CSMD1: variants seen among roughly 807,000 people sequenced by gnomAD.
CSMD1 encodes CUB and sushi domain-containing protein 1.
CSMD1 carries 213 observed loss-of-function variants against 417.5 expected under a neutral mutation model. That is an observed-to-expected ratio of 0.51 (90% CI 0.46 to 0.57). The LOEUF (loss-of-function observed/expected upper bound fraction) is 0.57, where lower values mean the gene tolerates loss of function less well. Ranked by LOEUF, CSMD1 falls within the 20% of genes least tolerant of loss-of-function variation. The pLI is 0.00. For synonymous variants in CSMD1, 2,862 were observed against 1,736.8 expected, an observed-to-expected ratio of 1.65 and a Z score of -16.11; for missense variants, 6,923 against 4,529.7, an observed-to-expected ratio of 1.53 and a Z score of -15.17.
chr8:4,925,215 G>T (rs1321358592), intron 1 of CSMD1, among the ~76,000 whole-genome samples: 14 of 72,742 alleles, frequency 1.9e-4, no homozygotes, highest in Admixed American at 2.5e-4. Flanking sequence ...CAGTTTTATG[G>T]TTTTTTTTTT....
At chr8:4,594,718 T>G (rs562734176) in intron 2 of CSMD1, among the ~76,000 whole-genome samples, 2 of 152,182 alleles carry the variant, frequency 1.3e-5, no homozygotes, top group Admixed American at 6.5e-5. Context: ...CATTTAACAT[T>G]TGAAATTGTT....
At chr8:4,657,080 A>C (rs951864067) in intron 1 of CSMD1, among the ~76,000 whole-genome samples, 1 of 152,198 alleles carries the variant, frequency 6.6e-6, no homozygotes, top group Non-Finnish European at 1.5e-5. Flanking sequence ...AAAGCTGCAC[A>C]GAAAAGCTAG....
chr8:4,944,855 G>A (rs1808263752), intron 1 of CSMD1, among the ~76,000 whole-genome samples: 1 of 152,096 alleles, frequency 6.6e-6, no homozygotes, highest in South Asian at 2.1e-4. Context: ...TGATTCTTCT[G>A]AAAATTAAAA....
At chr8:4,453,967 G>A (rs537089525) in intron 2 of CSMD1, among the ~76,000 whole-genome samples, 1 of 151,250 alleles carries the variant, frequency 6.6e-6, no homozygotes, top group African/African-American at 2.4e-5. Flanking sequence ...GACTACAGGC[G>A]CCCGCCACCG....
intron 1 of CSMD1, among the ~76,000 whole-genome samples, chr8:4,937,812 A>G (rs955687988): frequency 6.6e-6 from 1 of 152,132 alleles, no homozygotes; most frequent in African/African-American, 2.4e-5. Context: ...ACACAACTAC[A>G]AAGTGTCAGA....
chr8:3,840,737 G>T (rs11993640), intron 5 of CSMD1, among the ~76,000 whole-genome samples: 16,526 of 144,272 alleles, frequency 0.11, 1,256 homozygotes, highest in African/African-American at 0.22. Context: ...GCTCTGTCGT[G>T]TAGGCTGGAG....
chr8:4,613,262 G>A (rs1323761656), intron 2 of CSMD1, among the ~76,000 whole-genome samples: 1 of 152,216 alleles, frequency 6.6e-6, no homozygotes, highest in African/African-American at 2.4e-5. Context: ...ATGACAGAGT[G>A]ATGAGCCAAG....
chr8:2,949,637 T>C (rs528299886), intron 67 of CSMD1, among the ~76,000 whole-genome samples: 5 of 151,698 alleles, frequency 3.3e-5, no homozygotes, highest in African/African-American at 1.2e-4. Flanking sequence ...TGATAGCAAA[T>C]TTTACAATAT....
At chr8:4,674,785 T>TC (rs1327431536) in intron 1 of CSMD1, among the ~76,000 whole-genome samples, 1 of 152,124 alleles carries the variant, frequency 6.6e-6, no homozygotes, top group Admixed American at 6.6e-5. Context: ...TTGAATCGTG[T>TC]CCCCCTCCAA....
chr8:4,716,225 G>C (rs959150116), intron 1 of CSMD1, among the ~76,000 whole-genome samples: 1 of 152,134 alleles, frequency 6.6e-6, no homozygotes, highest in Non-Finnish European at 1.5e-5. Flanking sequence ...AGAACAGAAG[G>C]CTGTCTGCCA....
At chr8:3,026,062 T>C (rs969983218) in intron 51 of CSMD1, among the ~76,000 whole-genome samples, 2 of 151,954 alleles carry the variant, frequency 1.3e-5, no homozygotes, top group Non-Finnish European at 2.9e-5. Context: ...ACTCTGAGGA[T>C]GTTAGGAGTC....
intron 2 of CSMD1, among the ~76,000 whole-genome samples, chr8:4,545,967 C>T (rs1357393298): frequency 6.6e-6 from 1 of 152,152 alleles, no homozygotes; most frequent in East Asian, 1.9e-4. Flanking sequence ...CCCATGTCGC[C>T]TGAATCCCCT....
intron 5 of CSMD1, among the ~76,000 whole-genome samples, chr8:3,865,342 G>A (rs969020203): frequency 2.6e-5 from 4 of 152,142 alleles, no homozygotes; most frequent in East Asian, 1.9e-4. Context: ...ACTCTGAAAT[G>A]CTCTTGCTGG....
chr8:3,804,919 G>C (rs1249003416), intron 5 of CSMD1, among the ~76,000 whole-genome samples: 1 of 152,148 alleles, frequency 6.6e-6, no homozygotes, highest in Non-Finnish European at 1.5e-5. Flanking sequence ...TAGAGTTTCA[G>C]GTTAGTAGCA....
At chr8:4,657,631 G>T (rs1238696187) in intron 1 of CSMD1, among the ~76,000 whole-genome samples, 2 of 150,908 alleles carry the variant, frequency 1.3e-5, no homozygotes, top group African/African-American at 4.9e-5. Context: ...AATTTGCACA[G>T]TTACCAATGT....
In CSMD1 at chr8:3,367,191, T is replaced by C. The variant is rs751777904; in HGVS notation, c.2956A>G (p.Ile986Val). 17 of 1,613,286 alleles carry C rather than the reference T, an allele frequency of 1.1e-5. No individual in the cohort carries two copies. The highest frequency in any genetic ancestry group is 1.3e-5 in the Non-Finnish European group (15 of 1,179,736). Residue 986 changes from isoleucine to valine, a missense_variant, in exon 20 of 70, where the codon ATC becomes GTC. Transcript: ENST00000635120. ...TCGGAAAAACTTCCATCCTCTGTGATCAGTAAATAGTCGTGGGAACTCTCA... is the reference window on the plus strand; with the variant it reads ...TCGGAAAAACTTCCATCCTCTGTGACCAGTAAATAGTCGTGGGAACTCTCA... The part of the protein sequence containing the change: ...HLESSHDYLL[I>V]TEDGSFSEPV...
intron 3 of CSMD1, among the ~76,000 whole-genome samples, chr8:4,326,437 G>A (rs908429047): frequency 6.6e-6 from 1 of 152,146 alleles, no homozygotes. Flanking sequence ...GGCAGCTACT[G>A]AGCAAGAGGT....
chr8:3,270,401 T>C (rs1333673149), intron 26 of CSMD1, among the ~76,000 whole-genome samples: 1 of 152,016 alleles, frequency 6.6e-6, no homozygotes, highest in Non-Finnish European at 1.5e-5. Context: ...AAGATTATTT[T>C]AAAGCAGTGA....
At chr8:3,692,620 G>A (rs1290178457) in intron 7 of CSMD1, among the ~76,000 whole-genome samples, 21 of 151,918 alleles carry the variant, frequency 1.4e-4, no homozygotes, top group Admixed American at 1.4e-3. Flanking sequence ...TTTCGTAGAG[G>A]TGGGGTTTCA....
Sources: gnomAD v4.1 joint callset for allele counts (sites outside exome capture counted in the v4.1 genomes callset) on GRCh38, gnomAD v4.1.1 for gene constraint, MANE v1.5 for transcripts, NCBI Gene and HGNC (gene_info 2026-07-23, HGNC 2026-07-21) for gene names.